The following RBM12 variants were observed in gnomAD, a reference collection of about 807,000 sequenced individuals.
The protein encoded by RBM12 is RNA-binding protein 12.
A neutral mutation model predicts 37.2 loss-of-function variants in RBM12; 24 were observed. That is an observed-to-expected ratio of 0.65 (90% confidence interval 0.47 to 0.91). The LOEUF is 0.91. RBM12 is among the 40% of genes least tolerant of loss of function. RBM12 has a pLI of 0.00. For missense variants in RBM12, 1,061 were observed against 1,183.2 expected (o/e 0.90, Z 1.52); for synonymous variants, 420 against 425.2 (o/e 0.99, Z 0.15).
At chr20:35,658,745 G>A (rs567574740) in intron 2 of RBM12, among the ~76,000 whole-genome samples, 185 bp downstream of exon 2, 57 of 151,706 alleles carry the variant, frequency 3.8e-4, no homozygotes, top group African/African-American at 1.4e-3. Flanking sequence ...GGGCAACAGA[G>A]TCTAGCCTGG....
Position 35,653,582 on chromosome 20 carries a change from T to C in RBM12, c.1741A>G (p.Asn581Asp). ...ENAVHVLVDN[N>D]GQGLGQALVQ... ...AATGCCTGTCCTAGACCTTGCCCAT[T>C]GTTATCAACAAGAACATGTACAGCA... Residue 581 changes from asparagine to aspartate, a missense_variant, in exon 3 of 3, where the codon AAT (asparagine) becomes GAT (aspartate). Around this residue, in one of 3 missense-constraint regions of RBM12, gnomAD observed 517 missense variants for 534.0 expected, o/e 0.97. Transcript: ENST00000374114. 6.2e-7 allele frequency: 1 copy of C among 1,614,220 alleles called. No homozygotes were observed. Among genetic ancestry groups the C allele is most frequent in the Non-Finnish European group, 8.5e-7 (1 of 1,180,034 alleles).
intron 1 of RBM12, among the ~76,000 whole-genome samples, chr20:35,663,547 C>T (rs1002239021): frequency 2.4e-4 from 36 of 152,180 alleles, no homozygotes; most frequent in African/African-American, 8.7e-4. Flanking sequence ...ACGGTCCCTA[C>T]CAACTTCTTC....
chr20:35,652,347 T>C lies in RBM12; in HGVS notation c.*177A>G. 1 of 681,894 alleles carries C rather than the reference T, an allele frequency of 1.5e-6. No homozygotes were observed. The highest frequency in any genetic ancestry group is 2.4e-6 in the Non-Finnish European group (1 of 415,038). 42.2% of individuals were successfully genotyped at this position (681,894 alleles called of 1,614,324 possible). A position where few individuals can be genotyped will look rare whatever the true frequency, so the allele number is the denominator to read the frequency against. On this transcript the variant is annotated 3_prime_UTR_variant, in exon 3 of 3. Coordinates refer to ENST00000374114, the MANE Select transcript of RBM12 (RefSeq NM_006047.6). ...AGCTTTACTGTAACATACAGCAATG[T>C]TTATCCTGGTGAGTGAGTCTTCTGT... is the stretch of plus-strand genomic sequence containing the variant.
At chr20:35,655,379 T>C (rs760593591) in intron 2 of RBM12, 35 bp from the exon 3 acceptor site, 5 of 1,504,424 alleles carry the variant, frequency 3.3e-6, no homozygotes, top group Admixed American at 4.1e-5. Context: ...CAGGTCAGAC[T>C]CCTGTTTATC....
chr20:35,650,517 G>A lies in RBM12; in HGVS notation c.*2007C>T, dbSNP rs889873971. ...AAGTTTTTTGCATTGTCTTTGGAAT[G>A]AGAAATGATTACTTAACATTAACTT... On this transcript the variant is annotated 3_prime_UTR_variant, in exon 3 of 3. Coordinates refer to ENST00000374114, the MANE Select transcript of RBM12 (RefSeq NM_006047.6). 1.3e-5 allele frequency: 2 copies of A among 152,588 alleles called. No individual in the cohort carries two copies. The highest frequency in any genetic ancestry group is 2.1e-4 in the South Asian group (1 of 4,832). 9.5% of individuals were successfully genotyped at this position (152,588 alleles called of 1,614,324 possible).
rs1422559405 is a variant in RBM12, at chr20:35,649,691, T to C, written c.*2833A>G. Reference sequence around the variant, plus strand: ...CTAAAGTTCAGAAAAGTTTACAAATTTGCTTATTTATGACATACATTTGTA... The same window carrying C: ...CTAAAGTTCAGAAAAGTTTACAAATCTGCTTATTTATGACATACATTTGTA... On this transcript the variant is annotated 3_prime_UTR_variant, in exon 3 of 3. Transcript: ENST00000374114. The C allele has an allele frequency of 6.6e-6, 1 of 152,586 alleles. No homozygotes were observed. The highest frequency in any genetic ancestry group is 2.4e-5 in the African/African-American group (1 of 41,444). 9.5% of individuals were successfully genotyped at this position (152,586 alleles called of 1,614,324 possible).
chr20:35,652,629 A>T lies in RBM12; in HGVS notation c.2694T>A (p.Gly898=). The T allele has an allele frequency of 1.2e-6, 2 of 1,614,168 alleles. No individual in the cohort carries two copies. Among genetic ancestry groups the T allele is most frequent in the Non-Finnish European group, 1.7e-6 (2 of 1,180,000 alleles). The part of the protein sequence containing the change: ...LKYNEKGMPT[G]EAMVAFESRD... ...GAGACTCAAAGGCCACCATGGCTTCACCTGTGGGCATACCTTTTTCATTGT... is the reference window on the plus strand; with the variant it reads ...GAGACTCAAAGGCCACCATGGCTTCTCCTGTGGGCATACCTTTTTCATTGT... The change falls in exon 3 of 3, where the codon GGT becomes GGA. Residue 898 remains glycine (G), a synonymous_variant. Coordinates refer to ENST00000374114, the MANE Select transcript of RBM12 (RefSeq NM_006047.6).
chr20:35,655,525 G>A (rs940817073), intron 2 of RBM12, among the ~76,000 whole-genome samples, 181 bp from the exon 3 acceptor site: 7 of 151,856 alleles, frequency 4.6e-5, no homozygotes, highest in Middle Eastern at 3.2e-3. Flanking sequence ...AATGTAAAAC[G>A]TAGACAATTT....
At chr20:35,663,843 A>G (rs1312572809) in intron 1 of RBM12, among the ~76,000 whole-genome samples, 1 of 152,072 alleles carries the variant, frequency 6.6e-6, no homozygotes, top group Non-Finnish European at 1.5e-5. Flanking sequence ...CCACCACCCA[A>G]TTCACGTGGC....
intron 2 of RBM12, among the ~76,000 whole-genome samples, chr20:35,656,636 G>C (rs1311585099): frequency 6.6e-6 from 1 of 152,198 alleles, no homozygotes; most frequent in Non-Finnish European, 1.5e-5. Flanking sequence ...CCAGGTTCAA[G>C]TAATTCTCCT....
rs759062616 is a variant in RBM12 at position 35,654,148 on chromosome 20, T to C, written c.1175A>G (p.Lys392Arg). The C allele has an allele frequency of 1.4e-5, 23 of 1,614,258 alleles. No individual in the cohort carries two copies. The highest frequency in any genetic ancestry group is 8.5e-7 in the Non-Finnish European group (1 of 1,180,050). Residue 392 changes from lysine (K) to arginine (R), a missense_variant, in exon 3 of 3, where the codon AAG becomes AGG. Around this residue, in one of 3 missense-constraint regions of RBM12, gnomAD observed 540 missense variants for 632.7 expected, o/e 0.85. Transcript: ENST00000374114. ...TTGTCCAGAAGGTCCCATATTTTGCTTAAAAGTGATATGGCCTCCAGCAGC... is the reference window on the plus strand; with the variant it reads ...TTGTCCAGAAGGTCCCATATTTTGCCTAAAAGTGATATGGCCTCCAGCAGC... ...WVAAGGHITF[K>R]QNMGPSGQTH...
rs984244206 is a variant in RBM12, at chr20:35,650,677, T to C, written c.*1847A>G. On this transcript the variant is annotated 3_prime_UTR_variant, in exon 3 of 3. Coordinates refer to ENST00000374114, the MANE Select transcript of RBM12 (RefSeq NM_006047.6). The stretch of plus-strand genomic sequence containing the variant: ...ATAGTCACCTCTTGAGTCTAAACAA[T>C]CCTTCTCTTAAACAAAAATCCTGTA... The C allele has an allele frequency of 6.6e-6, 1 of 152,610 alleles. No homozygotes were observed. Among genetic ancestry groups the C allele is most frequent in the African/African-American group, 2.4e-5 (1 of 41,440 alleles). The allele number at this position is 152,610 out of a possible 1,614,324, so 9.5% of individuals were successfully genotyped here.
chr20:35,657,095 GC>G (rs1317433873), intron 2 of RBM12, among the ~76,000 whole-genome samples: 1 of 152,114 alleles, frequency 6.6e-6, no homozygotes, highest in Non-Finnish European at 1.5e-5. Flanking sequence ...AAAATAAAAA[GC>G]CACCTTCAAA....
At position 35,652,533 on chromosome 20, in the gene RBM12, T is replaced by C. The variant is rs779671271; in HGVS notation, c.2790A>G (p.Val930=). The C allele has an allele frequency of 1.2e-6, 2 of 1,610,618 alleles. No individual in the cohort carries two copies. The highest frequency in any genetic ancestry group is 1.7e-6 in the Non-Finnish European group (2 of 1,178,912). Residue 930 remains valine (V), a synonymous_variant, in exon 3 of 3, where the codon GTA becomes GTG. Coordinates refer to ENST00000374114, the MANE Select transcript of RBM12 (RefSeq NM_006047.6). ...RPIGSRKVKL[V]LG ...AAAATGATGTGAATGGCTACCCTAA[T>C]ACAAGTTTTACTTTTCTTGAACCTA...
chr20:35,656,620 C>T (rs2033912899), intron 2 of RBM12, among the ~76,000 whole-genome samples: 1 of 152,180 alleles, frequency 6.6e-6, no homozygotes, highest in South Asian at 2.1e-4. Context: ...CGGCAACCTC[C>T]ACCTCCCAGG....
At position 35,653,385 on chromosome 20, in the gene RBM12, A is replaced by G; in HGVS notation, c.1938T>C (p.Asn646=). Residue 646 remains asparagine (N), a synonymous_variant, in exon 3 of 3, where the codon AAT becomes AAC. Transcript: ENST00000374114. The stretch of plus-strand genomic sequence containing the variant: ...CATTGGGCATTCCTGGAACTGCAGG[A>G]TTACCTGGCACAGGCATCTTTAATC... ...KKGLKMPVPG[N]PAVPGMPNAG... 6.2e-7 allele frequency: 1 copy of G among 1,614,170 alleles called. No homozygotes were observed. The highest frequency in any genetic ancestry group is 2.2e-5 in the East Asian group (1 of 44,892).
At position 35,654,308 on chromosome 20, in the gene RBM12, C is replaced by G; in HGVS notation, c.1015G>C (p.Val339Leu). Residue 339 changes from valine (V) to leucine (L), a missense_variant, in exon 3 of 3, where the codon GTA becomes CTA. Physicochemically the swap from Val to Leu is conservative, Grantham distance 32 (BLOSUM62 1). This residue lies in a region of RBM12 where 540 missense variants were observed against 632.7 expected (regional missense o/e 0.85). Coordinates refer to ENST00000374114, the MANE Select transcript of RBM12 (RefSeq NM_006047.6). ...VDAVHLLKDH[V>L]GRNNGNGLVK... ...AATCCATTCCCATTATTTCGACCTA[C>G]ATGATCTTTCAACAAATGCACTGCA... The G allele has an allele frequency of 1.1e-5, 18 of 1,614,212 alleles. No individual in the cohort carries two copies. The highest frequency in any genetic ancestry group is 1.5e-5 in the Non-Finnish European group (18 of 1,180,038).
Position 35,653,042 on chromosome 20 carries a change from C to T in RBM12, c.2281G>A (p.Gly761Ser). 6 of 1,613,924 alleles carry T rather than the reference C, an allele frequency of 3.7e-6. No homozygotes were observed. The highest frequency in any genetic ancestry group is 5.1e-6 in the Non-Finnish European group (6 of 1,180,044). Residue 761 changes from glycine (G) to serine (S), a missense_variant, in exon 3 of 3, where the codon GGT becomes AGT. Gly to Ser is a moderately conservative substitution (Grantham distance 56, BLOSUM62 0). Around this residue, in one of 3 missense-constraint regions of RBM12, gnomAD observed 517 missense variants for 534.0 expected, o/e 0.97. Transcript: ENST00000374114. Reference sequence around the variant, plus strand: ...ACATCCAGTCCTAGACCAGGCAAACCACTGTTTCCAACTGAAGGCATACCA... The same window carrying T: ...ACATCCAGTCCTAGACCAGGCAAACTACTGTTTCCAACTGAAGGCATACCA... Reference protein sequence around the residue: ...RPGMPSVGNSGLPGLGLDVPG... With the variant: ...RPGMPSVGNSSLPGLGLDVPG...
rs1411498229 is a variant in RBM12, at chr20:35,651,051, C to T, written c.*1473G>A. 1 of 152,234 alleles carries T rather than the reference C, an allele frequency of 6.6e-6. No individual in the cohort carries two copies. The highest frequency in any genetic ancestry group is 6.5e-5 in the Admixed American group (1 of 15,270). 9.4% of individuals were successfully genotyped at this position (152,234 alleles called of 1,614,324 possible). On this transcript the variant is annotated 3_prime_UTR_variant, in exon 3 of 3. Transcript: ENST00000374114. Reference sequence around the variant, plus strand: ...CATTGACTAGGGAAAGTAACCATAACTAGAGCCCTGTAAGGCCAAGTTTTT... The same window carrying T: ...CATTGACTAGGGAAAGTAACCATAATTAGAGCCCTGTAAGGCCAAGTTTTT...
Sources: allele counts gnomAD v4.1 joint callset (sites outside exome capture counted in the v4.1 genomes callset), GRCh38; gene constraint gnomAD v4.1.1; regional missense constraint gnomAD v4.1.1; transcripts MANE v1.5; gene names NCBI Gene and HGNC (gene_info 2026-07-23, HGNC 2026-07-21).